Variants in COL18A1 observed in about 807,000 individuals in gnomAD.
COL18A1 encodes the protein collagen type XVIII alpha 1 chain.
COL18A1 carries 133 observed loss-of-function variants against 168.0 expected under a neutral mutation model. That is an observed-to-expected ratio of 0.79 (90% CI 0.69 to 0.91). COL18A1 has a LOEUF of 0.91. Among genes scored for constraint, COL18A1 ranks in the 40% least tolerant of loss-of-function variants. COL18A1 has a pLI of 0.00. For missense variants in COL18A1, 2,126 were observed against 1,925.4 expected, an observed-to-expected ratio of 1.10 and a Z score of -1.95; for synonymous variants, 949 against 809.0, an observed-to-expected ratio of 1.17 and a Z score of -2.94.
intron 2 of COL18A1, among the ~76,000 whole-genome samples, chr21:45,464,883 C>T (rs1216868860): frequency 2.0e-5 from 3 of 152,224 alleles, no homozygotes; most frequent in Non-Finnish European, 4.4e-5. Context: ...TAAAATTACG[C>T]TTGTGGGTTC....
chr21:45,408,656 C>G (rs1262172198), intron 2 of COL18A1: 1 of 151,558 alleles, frequency 6.6e-6, no homozygotes, highest in Non-Finnish European at 1.5e-5. Flanking sequence ...TCCCCAGCCC[C>G]CGCTGATTGT....
intron 37 of COL18A1, chr21:45,506,787 C>CTGGAGCCCTCCCACCCTCCTAT (rs1422319902): frequency 0.04 from 2,214 of 55,418 alleles, 20 homozygotes; most frequent in South Asian, 0.065. Flanking sequence ...CACCTTCCCT[C>CTGGAGCCCTCCCACCCTCCTAT]TGGAGCCCTC....
intron 2 of COL18A1, among the ~76,000 whole-genome samples, chr21:45,414,543 C>T (rs998978708): frequency 5.9e-5 from 9 of 152,152 alleles, no homozygotes; most frequent in African/African-American, 1.4e-4. Context: ...CAGACCTGGG[C>T]GGCCTCCTGC....
chr21:45,435,864 T>G (rs116485231), intron 2 of COL18A1, among the ~76,000 whole-genome samples: 9,352 of 152,182 alleles, frequency 0.061, 496 homozygotes, highest in African/African-American at 0.14. Context: ...TTGGGACACC[T>G]ATGAACAAAT....
intron 2 of COL18A1, among the ~76,000 whole-genome samples, chr21:45,455,264 G>GCAC (rs2034754027): frequency 6.6e-6 from 1 of 152,254 alleles, no homozygotes; most frequent in Non-Finnish European, 1.5e-5. Flanking sequence ...ACTGCACACA[G>GCAC]CACCCTCTGT....
At chr21:45,496,268 C>T (rs971492273) in intron 29 of COL18A1, 20 of 704,754 alleles carry the variant, frequency 2.8e-5, no homozygotes, top group Admixed American at 1.4e-4. Flanking sequence ...CCTCTTCACT[C>T]CTCCCGAGGG....
chr21:45,445,139 T>C (rs1162080048), intron 2 of COL18A1, among the ~76,000 whole-genome samples: 1 of 152,218 alleles, frequency 6.6e-6, no homozygotes, highest in African/African-American at 2.4e-5. Context: ...CCTCCAGTCC[T>C]GGCCACCGGT....
Position 45,477,972 on chromosome 21 carries a change from C to G in COL18A1, c.1221+7C>G. 1 of 1,418,564 alleles carries G rather than the reference C, an allele frequency of 7.0e-7. No individual in the cohort carries two copies. Among genetic ancestry groups the G allele is most frequent in the Admixed American group, 1.9e-5 (1 of 51,434 alleles). 87.9% of individuals were successfully genotyped at this position (1,418,564 alleles called of 1,614,324 possible). A position where few individuals can be genotyped will look rare whatever the true frequency, so the allele number is the denominator to read the frequency against. ...TGGAAGGGACGGCGAGCCGGTGAGT[C>G]CTCACGTCCCCCCGAGTCCGGCCCG... On this transcript the variant is annotated splice_region_variant and intron_variant, in intron 8 of 41. Transcript: ENST00000651438.
chr21:45,497,164 G>A (rs535881920), intron 31 of COL18A1, 72 bp downstream of exon 31: 16 of 1,006,432 alleles, frequency 1.6e-5, no homozygotes, highest in South Asian at 6.4e-5. Context: ...CTTCCTTCCC[G>A]TGCCAGCAGC....
intron 2 of COL18A1, among the ~76,000 whole-genome samples, chr21:45,439,688 G>T (rs1233849326): frequency 2.0e-5 from 3 of 152,346 alleles, no homozygotes; most frequent in African/African-American, 7.2e-5. Context: ...AGCGTGTTTT[G>T]CCCGGAGCTG....
intron 41 of COL18A1, 115 bp from the exon 42 acceptor site, chr21:45,512,073 G>GC: frequency 8.7e-7 from 1 of 1,152,870 alleles, no homozygotes; most frequent in Non-Finnish European, 1.3e-6. Flanking sequence ...AGCCTCTGCA[G>GC]CCCCCTGGTA....
At chr21:45,495,543 C>T (rs2036500176) in intron 29 of COL18A1, 111 bp downstream of exon 29, 3 of 896,630 alleles carry the variant, frequency 3.3e-6, no homozygotes, top group East Asian at 2.7e-5. Context: ...TATAAGCAGC[C>T]CTGCCATGTG....
At chr21:45,445,730 T>A (rs532482458) in intron 2 of COL18A1, among the ~76,000 whole-genome samples, 1 of 152,386 alleles carries the variant, frequency 6.6e-6, no homozygotes, top group South Asian at 2.1e-4. Context: ...TTTGTCTTTC[T>A]TGGCGATCTG....
intron 2 of COL18A1, among the ~76,000 whole-genome samples, chr21:45,418,684 G>A (rs921081599): frequency 6.7e-6 from 1 of 150,354 alleles, no homozygotes; most frequent in Admixed American, 6.6e-5. Flanking sequence ...TCTCAGGGAA[G>A]CGGCACCTCC....
At chr21:45,445,262 C>T (rs931296672) in intron 2 of COL18A1, among the ~76,000 whole-genome samples, 10 of 152,186 alleles carry the variant, frequency 6.6e-5, no homozygotes, top group South Asian at 6.2e-4. Flanking sequence ...TTTCCGGGTT[C>T]GTCCGTGTTG....
intron 31 of COL18A1, 143 bp from the exon 32 acceptor site, chr21:45,497,456 G>C: frequency 8.4e-7 from 1 of 1,184,978 alleles, no homozygotes; most frequent in South Asian, 1.3e-5. Flanking sequence ...CTCTCCAGCA[G>C]CTCCTACCCT....
chr21:45,455,839 A>G (rs746967987), intron 2 of COL18A1: 5 of 1,613,158 alleles, frequency 3.1e-6, no homozygotes, highest in Non-Finnish European at 3.4e-6. Context: ...CGGACGCGCC[A>G]GAGGAGAACA....
At chr21:45,418,834 T>G (rs925682737) in intron 2 of COL18A1, among the ~76,000 whole-genome samples, 30 of 152,184 alleles carry the variant, frequency 2.0e-4, no homozygotes, top group African/African-American at 7.0e-4. Context: ...CCTGCGGCCC[T>G]GCGAGGCGTG....
chr21:45,452,992 CAT>C (rs895803746), intron 2 of COL18A1, among the ~76,000 whole-genome samples: 26 of 150,300 alleles, frequency 1.7e-4, no homozygotes, highest in African/African-American at 6.1e-4. Context: ...TCACATGTGA[CAT>C]GTGAGCCTAT....
Sources: gnomAD v4.1 joint callset for allele counts (sites outside exome capture counted in the v4.1 genomes callset) on GRCh38, gnomAD v4.1.1 for gene constraint, MANE v1.5 for transcripts, NCBI Gene and HGNC (gene_info 2026-07-23, HGNC 2026-07-21) for gene names.